Variants in MYL5 observed in about 807,000 individuals in gnomAD.
The protein encoded by MYL5 is myosin regulatory light chain 5.
In MYL5, 28 loss-of-function variants were observed where a neutral mutation model predicts 20.8. The observed-to-expected ratio is 1.35, with a 90% confidence interval of 1.00 to 1.84. MYL5 has a LOEUF of 1.84. Ranked by LOEUF, MYL5 falls within the 40% of genes most tolerant of loss-of-function variation. The pLI is 0.00. For synonymous variants in MYL5, 118 were observed against 87.4 expected (o/e 1.35, Z -1.95); for missense variants, 274 against 227.3 (o/e 1.21, Z -1.32).
upstream of MYL5, chr4:676,549 ATAC>A (rs904982469): frequency 2.0e-5 from 3 of 152,218 alleles, no homozygotes; most frequent in Non-Finnish European, 4.4e-5. Context: ...GCAGAAGCCG[ATAC>A]TCCCCCGGCT....
intron 2 of MYL5, 53 bp downstream of exon 4, chr4:678,818 G>C (rs1199038754): frequency 1.4e-5 from 23 of 1,608,696 alleles, no homozygotes; most frequent in Non-Finnish European, 1.9e-5. Context: ...CCTGTGCTGG[G>C]AAGACCCCAT....
intron 6 of MYL5, 128 bp downstream of exon 8, chr4:681,268 C>A: frequency 8.9e-7 from 1 of 1,127,814 alleles, no homozygotes; most frequent in African/African-American, 1.6e-5. Flanking sequence ...AACAGGCCCC[C>A]GGGGGGCTCC....
chr4:679,322 G>A (rs142410590), intron 3 of MYL5: 12 of 389,718 alleles, frequency 3.1e-5, no homozygotes, highest in Non-Finnish European at 4.8e-5. Context: ...CTGGTAGGAC[G>A]CCACAGGCAG....
At chr4:681,125 G>A (rs1432593445) in exon 6 of MYL5, 1 of 1,607,174 alleles carries the variant, frequency 6.2e-7, no homozygotes, top group Non-Finnish European at 8.5e-7. Context: ...AGGCTGACAA[G>A]ATGACGGCGG....
chr4:676,854 A>G (rs771420865), upstream of MYL5: 1 of 984,756 alleles, frequency 1.0e-6, no homozygotes, highest in Non-Finnish European at 1.2e-6. Context: ...CCTCCTGGGC[A>G]GGTCATGCCT....
upstream of MYL5, among the ~76,000 whole-genome samples, chr4:677,580 T>C (rs1738975460): frequency 6.6e-6 from 1 of 152,142 alleles, no homozygotes; most frequent in Admixed American, 6.5e-5. Flanking sequence ...AGACAGAGTG[T>C]GCTTGGCAGA....
exon 2 of MYL5, chr4:678,668 A>G: frequency 6.2e-7 from 1 of 1,608,668 alleles, no homozygotes; most frequent in Non-Finnish European, 8.5e-7. Context: ...GCCAGCAGGA[A>G]GACCAAGAAG....
intron 6 of MYL5, among the ~76,000 whole-genome samples, chr4:681,611 TC>T (rs1739569736): frequency 1.6e-4 from 1 of 6,440 alleles, no homozygotes; most frequent in Non-Finnish European, 3.4e-4. Flanking sequence ...CCCCGCCCCC[TC>T]CAGCGCCGCC....
At chr4:680,412 C>T (rs2109350842) in intron 4 of MYL5, 97 bp from the exon 7 acceptor site, 1 of 1,260,418 alleles carries the variant, frequency 7.9e-7, no homozygotes, top group Non-Finnish European at 1.1e-6. Flanking sequence ...GGAGTCTCCC[C>T]CTGCTTGGGG....
intron 2 of MYL5, 24 bp from the exon 5 acceptor site, chr4:678,934 A>C (rs757383036): frequency 2.2e-5 from 36 of 1,612,992 alleles, no homozygotes; most frequent in Non-Finnish European, 3.0e-5. Flanking sequence ...TTGGCAGCAC[A>C]GCAGCCCTGA....
Position 681,884 on chromosome 4 carries a change from C to G in MYL5, c.421-9C>G, listed in dbSNP as rs551285938. On this transcript the variant is annotated splice_polypyrimidine_tract_variant and intron_variant, in intron 6 of 6. Transcript: ENST00000400159. ...AGCCCGCAAGGAGCCCTTTCGCCCC[C>G]GCCCGCAGGTGGACCAGATGTTCCA... The G allele has an allele frequency of 3.0e-6, 4 of 1,313,910 alleles. No individual in the cohort carries two copies. In the East Asian group the frequency reaches 1.1e-4, roughly 37 times the overall value. 81.4% of individuals were successfully genotyped at this position (1,313,910 alleles called of 1,614,324 possible). A position where few individuals can be genotyped will look rare whatever the true frequency, so the allele number is the denominator to read the frequency against.
chr4:678,043 C>T lies in MYL5; in HGVS notation c.3+14C>T, dbSNP rs372794422. 7.7e-5 allele frequency: 124 copies of T among 1,613,174 alleles called. No homozygotes were observed. The highest frequency in any genetic ancestry group is 2.0e-4 in the African/African-American group (15 of 75,038). On this transcript the variant is annotated intron_variant, in intron 1 of 6. Coordinates refer to ENST00000400159, the Ensembl canonical transcript of MYL5. The stretch of plus-strand genomic sequence containing the variant: ...GAAGCAGGCATGGTGAGCAGGCCGC[C>T]GTGCATGCCTGGGGCAGGCGTGTGG...
chr4:675,777 G>GA (rs1738790129), upstream of MYL5: 1 of 152,460 alleles, frequency 6.6e-6, no homozygotes, highest in African/African-American at 2.4e-5. Context: ...CCCACTTTCA[G>GA]ATCAGCCTGG....
upstream of MYL5, chr4:676,951 C>T: frequency 1.0e-6 from 1 of 985,070 alleles, no homozygotes; most frequent in Non-Finnish European, 1.2e-6. Context: ...GGGACGCCAA[C>T]TGTGACCATG....
At chr4:677,160 C>T (rs1738925922), upstream of MYL5, among the ~76,000 whole-genome samples, 1 of 152,322 alleles carries the variant, frequency 6.6e-6, no homozygotes, top group Admixed American at 6.5e-5. Context: ...CAGACGCAGG[C>T]CTGGGGGGCT....
Position 681,877 on chromosome 4 carries a change from T to C in MYL5, c.421-16T>C. 7.6e-7 allele frequency: 1 copy of C among 1,311,588 alleles called. No homozygotes were observed. Among genetic ancestry groups the C allele is most frequent in the Non-Finnish European group, 9.8e-7 (1 of 1,021,496 alleles). The allele number at this position is 1,311,588 out of a possible 1,614,324, so 81.2% of individuals were successfully genotyped here. A position where few individuals can be genotyped will look rare whatever the true frequency, so the allele number is the denominator to read the frequency against. On this transcript the variant is annotated splice_polypyrimidine_tract_variant and intron_variant, in intron 6 of 6. Coordinates refer to ENST00000400159, the Ensembl canonical transcript of MYL5. Reference sequence around the variant, plus strand: ...CTCCCGGAGCCCGCAAGGAGCCCTTTCGCCCCCGCCCGCAGGTGGACCAGA... The same window carrying C: ...CTCCCGGAGCCCGCAAGGAGCCCTTCCGCCCCCGCCCGCAGGTGGACCAGA...
intron 6 of MYL5, among the ~76,000 whole-genome samples, chr4:681,625 G>T (rs546064245): frequency 0.45 from 6,725 of 14,980 alleles, 533 homozygotes; most frequent in Middle Eastern, 0.5. Context: ...GCGCCGCCCC[G>T]CCCCCTCCAG....
chr4:679,788 A>G (rs1739258916), intron 3 of MYL5, 126 bp from the exon 6 acceptor site: 2 of 729,298 alleles, frequency 2.7e-6, no homozygotes, highest in African/African-American at 3.6e-5. Context: ...GCCTGGGCCA[A>G]GCGTCTCCTT....
At chr4:681,380 C>G (rs990682253) in intron 6 of MYL5, among the ~76,000 whole-genome samples, 1 of 152,110 alleles carries the variant, frequency 6.6e-6, no homozygotes, top group East Asian at 1.9e-4. Context: ...CCCTCCGCGG[C>G]CTGAGCGTCT....
Sources: allele counts gnomAD v4.1 joint callset (sites outside exome capture counted in the v4.1 genomes callset), GRCh38; gene constraint gnomAD v4.1.1; transcripts MANE v1.5; gene names NCBI Gene and HGNC (gene_info 2026-07-23, HGNC 2026-07-21).